The following ZNF276 variants were observed in gnomAD, a reference collection of about 807,000 sequenced individuals.
ZNF276 encodes zinc finger protein 276, also known as centromere protein Z.
Under a neutral mutation model 63.9 loss-of-function variants are expected in ZNF276, and 59 were observed. The observed-to-expected ratio is 0.92, with a 90% CI of 0.75 to 1.15. The LOEUF is 1.15. Among genes scored for constraint, ZNF276 ranks in the 50% most tolerant of loss-of-function variants. The probability of loss-of-function intolerance (pLI) is 0.00; values close to 1 mark genes in which losing one functional copy is unlikely to be tolerated. For missense variants in ZNF276, 1,084 were observed against 843.8 expected (o/e 1.28, Z -3.53); for synonymous variants, 496 against 348.4 (o/e 1.42, Z -4.72).
Position 89,738,920 on chromosome 16 carries a change from G to A in ZNF276, c.*674G>A, listed in dbSNP as rs767206558. 1.2e-6 allele frequency: 2 copies of A among 1,614,148 alleles called. No homozygotes were observed. Among genetic ancestry groups the A allele is most frequent in the Non-Finnish European group, 1.7e-6 (2 of 1,180,060 alleles). ...GAGAAGCTCTTTTTCGGGCACCGAG[G>A]TATTAACTGCAGCAGAAAAAGACGA... On this transcript the variant is annotated 3_prime_UTR_variant, in exon 11 of 11. Transcript: ENST00000443381.
chr16:89,733,432 G>A lies in ZNF276; in HGVS notation c.1280+20G>A, dbSNP rs1428740176. 1 of 1,614,136 alleles carries A rather than the reference G, an allele frequency of 6.2e-7. No homozygotes were observed. The highest frequency in any genetic ancestry group is 8.5e-7 in the Non-Finnish European group (1 of 1,180,002). On this transcript the variant is annotated intron_variant, in intron 7 of 10. Transcript: ENST00000443381. The stretch of plus-strand genomic sequence containing the variant: ...TGAGAGGTGATGCCTGCAACGCGAG[G>A]CTCGCCCTGCCTGTCGGGGCCGGGG...
intron 9 of ZNF276, among the ~76,000 whole-genome samples, chr16:89,736,847 G>GTGAGCTGAGAT (rs1448468911): frequency 2.7e-5 from 4 of 149,350 alleles, no homozygotes; most frequent in Non-Finnish European, 5.9e-5. Context: ...GGAGTTTCCA[G>GTGAGCTGAGAT]TGAGCTGAGA....
chr16:89,739,495 C>T lies in ZNF276; in HGVS notation c.*1249C>T, dbSNP rs1158871974. 1.3e-6 allele frequency: 2 copies of T among 1,551,256 alleles called. No homozygotes were observed. The highest frequency in any genetic ancestry group is 1.7e-6 in the Non-Finnish European group (2 of 1,147,214). ...GGAGGTACCTGTAAAAAGCGAAAGG[C>T]AGCAGCCTGGTGTGCTGATCCGGGG... On this transcript the variant is annotated 3_prime_UTR_variant, in exon 11 of 11. Transcript: ENST00000443381.
At chr16:89,737,931 C>T in intron 10 of ZNF276, 26 bp downstream of exon 10, 1 of 1,613,784 alleles carries the variant, frequency 6.2e-7, no homozygotes, top group East Asian at 2.2e-5. Flanking sequence ...GACCCCCTCC[C>T]AGGGCTGTGG....
In ZNF276 at chr16:89,737,975, G is replaced by A; in HGVS notation, c.1575-1G>A. On this transcript the variant is annotated splice_acceptor_variant, in intron 10 of 10. Transcript: ENST00000443381. LOFTEE classifies it high-confidence loss of function. ...CCTTCTTATCTGCCTCTGTCCCCCA[G>A]GTGTGAGGTCTGTGGGTTCCAGTGC... 6.2e-7 allele frequency: 1 copy of A among 1,614,114 alleles called. No individual in the cohort carries two copies. Among genetic ancestry groups the A allele is most frequent in the Non-Finnish European group, 8.5e-7 (1 of 1,180,022 alleles).
chr16:89,722,053 C>T (rs916700855), intron 1 of ZNF276, among the ~76,000 whole-genome samples: 2 of 152,150 alleles, frequency 1.3e-5, no homozygotes, highest in Non-Finnish European at 2.9e-5. Context: ...CCGGCCTCCC[C>T]GGCCGCGGGC....
intron 1 of ZNF276, 70 bp downstream of exon 1, chr16:89,721,915 A>C: frequency 9.4e-7 from 1 of 1,069,106 alleles, no homozygotes. Flanking sequence ...AGCCGCACTG[A>C]CGCCCGGAAG....
At chr16:89,723,087 G>A in intron 2 of ZNF276, 50 bp from the exon 3 acceptor site, 1 of 1,612,620 alleles carries the variant, frequency 6.2e-7, no homozygotes. Flanking sequence ...GACGAGCGCT[G>A]TGAACCTCCG....
intron 4 of ZNF276, among the ~76,000 whole-genome samples, chr16:89,724,849 C>G (rs754680086): frequency 2.6e-5 from 4 of 152,072 alleles, no homozygotes; most frequent in African/African-American, 9.7e-5. Context: ...TATCTTCCTA[C>G]TTCTTTGTCT....
At position 89,738,852 on chromosome 16, in the gene ZNF276, C is replaced by A. The variant is rs747975371; in HGVS notation, c.*606C>A. 3 of 1,614,228 alleles carry A rather than the reference C, an allele frequency of 1.9e-6. No individual in the cohort carries two copies. The highest frequency in any genetic ancestry group is 2.2e-5 in the East Asian group (1 of 44,886). On this transcript the variant is annotated 3_prime_UTR_variant, in exon 11 of 11. Coordinates refer to ENST00000443381, the MANE Select transcript of ZNF276 (RefSeq NM_001113525.2). ...CAGCTGTCAATTCTCATGTCCCCCA[C>A]ATGGCCCAAGGTGGGCATCTTGACG...
chr16:89,720,686 C>CG, upstream of ZNF276: 1 of 1,298,308 alleles, frequency 7.7e-7, no homozygotes, highest in Non-Finnish European at 9.8e-7. Flanking sequence ...GAGCCGGCCC[C>CG]GTCCTCGCCC....
intron 2 of ZNF276, 91 bp downstream of exon 2, chr16:89,722,925 G>C: frequency 6.4e-7 from 1 of 1,556,992 alleles, no homozygotes; most frequent in Non-Finnish European, 8.6e-7. Flanking sequence ...CTCCGCGGGA[G>C]CCTCTGGGTG....
At position 89,729,287 on chromosome 16, in the gene ZNF276, G is replaced by A; in HGVS notation, c.1138G>A (p.Asp380Asn). The A allele has an allele frequency of 1.2e-6, 2 of 1,614,150 alleles. No homozygotes were observed. Among genetic ancestry groups the A allele is most frequent in the Non-Finnish European group, 1.7e-6 (2 of 1,180,030 alleles). ...NDKKQNAQSS[D>N]ESFEPYPERK... ...CAAGAAGCAAAATGCCCAGTCTTCG[G>A]ACGAGTCCTTTGAGCCTTACCCAGA... The change falls in exon 6 of 11, where the codon GAC becomes AAC. Residue 380 changes from aspartate (D) to asparagine (N), a missense_variant. Coordinates refer to ENST00000443381, the MANE Select transcript of ZNF276 (RefSeq NM_001113525.2).
intron 9 of ZNF276, among the ~76,000 whole-genome samples, chr16:89,734,480 C>T (rs2061782810): frequency 6.6e-6 from 1 of 152,184 alleles, no homozygotes; most frequent in Non-Finnish European, 1.5e-5. Context: ...CACCCGCAAC[C>T]ATGCCTGGCT....
chr16:89,736,639 T>C (rs2061908559), intron 9 of ZNF276, among the ~76,000 whole-genome samples: 1 of 151,636 alleles, frequency 6.6e-6, no homozygotes, highest in Admixed American at 6.6e-5. Context: ...CCCCCAAATT[T>C]TTTAAATTAC....
chr16:89,739,814 G>A lies in ZNF276; in HGVS notation c.*1568G>A, dbSNP rs1034118955. Reference sequence around the variant, plus strand: ...GGCCCATTGGTCCTGGGGTTGACCAGTGAGCCAGTAAATTATCTTATTGCT... The same window carrying A: ...GGCCCATTGGTCCTGGGGTTGACCAATGAGCCAGTAAATTATCTTATTGCT... On this transcript the variant is annotated 3_prime_UTR_variant, in exon 11 of 11. Coordinates refer to ENST00000443381, the MANE Select transcript of ZNF276 (RefSeq NM_001113525.2). 2.7e-6 allele frequency: 4 copies of A among 1,466,180 alleles called. No homozygotes were observed. The Admixed American group carries it at 9.7e-5, about 36-fold the overall frequency. The allele number at this position is 1,466,180 out of a possible 1,614,324, so 90.8% of individuals were successfully genotyped here. A position where few individuals can be genotyped will look rare whatever the true frequency, so the allele number is the denominator to read the frequency against.
chr16:89,733,311 TAAG>T lies in ZNF276; in HGVS notation c.1184_1186del (p.Lys395del), dbSNP rs748499565. 19 of 1,613,682 alleles carry T rather than the reference TAAG, an allele frequency of 1.2e-5. No individual in the cohort carries two copies. Among genetic ancestry groups the T allele is most frequent in the East Asian group, 2.2e-5 (1 of 44,894 alleles). On this transcript the variant is annotated inframe_deletion, in exon 7 of 11. Coordinates refer to ENST00000443381, the MANE Select transcript of ZNF276 (RefSeq NM_001113525.2). ...AACCTCTTTTTTTCAGAGTCTCTGGTAAGAAGAGTGAAAGCAAAGAAGCCAAGA... is the reference window on the plus strand; with the variant it reads ...AACCTCTTTTTTTCAGAGTCTCTGGTAAGAGTGAAAGCAAAGAAGCCAAGA...
At position 89,727,906 on chromosome 16, in the gene ZNF276, G is replaced by A. The variant is rs537567602; in HGVS notation, c.1085+549G>A. On this transcript the variant is annotated intron_variant, in intron 5 of 10. Transcript: ENST00000443381. Reference sequence around the variant, plus strand: ...TTGCAGGAGGACGGGCCTCAGAAGGGACCTCATCAGTGTCTGCAAACTCCC... The same window carrying A: ...TTGCAGGAGGACGGGCCTCAGAAGGAACCTCATCAGTGTCTGCAAACTCCC... 3.9e-4 allele frequency among the ~76,000 whole-genome samples: 59 copies of A among 152,346 alleles called. No homozygotes were observed. In the South Asian group the frequency reaches 6.0e-3, roughly 15 times the overall value.
At chr16:89,734,075 G>C (rs777159657) in intron 9 of ZNF276, 37 bp downstream of exon 9, 4 of 1,584,782 alleles carry the variant, frequency 2.5e-6, no homozygotes, top group South Asian at 2.2e-5. Flanking sequence ...GCGGGTGACA[G>C]CCAGGGGCAC....
Sources: allele counts gnomAD v4.1 joint callset (sites outside exome capture counted in the v4.1 genomes callset), GRCh38; gene constraint gnomAD v4.1.1; transcripts MANE v1.5; gene names NCBI Gene and HGNC (gene_info 2026-07-23, HGNC 2026-07-21).